C1QTNF3: variants seen among roughly 807,000 people sequenced by gnomAD.
C1QTNF3 encodes C1q and TNF related 3.
C1QTNF3 carries 26 observed loss-of-function variants against 32.6 expected under a neutral mutation model. That is an observed-to-expected ratio of 0.80 (90% CI 0.58 to 1.11). The LOEUF (loss-of-function observed/expected upper bound fraction) is 1.11. Ranked by LOEUF, C1QTNF3 falls within the 50% of genes least tolerant of loss-of-function variation. The pLI, the probability that C1QTNF3 is intolerant of heterozygous loss-of-function variation, is 0.00. For missense variants in C1QTNF3, 362 were observed against 398.2 expected, an observed-to-expected ratio of 0.91 and a Z score of 0.77; for synonymous variants, 155 against 146.0, an observed-to-expected ratio of 1.06 and a Z score of -0.44.
At chr5:34,205,717 A>G in the C1QTNF3 span, among the ~76,000 whole-genome samples, 1 of 150,472 alleles carries the variant, frequency 6.6e-6, no homozygotes, top group Non-Finnish European at 1.5e-5. Flanking sequence ...ATGGACTAAT[A>G]TAGATGTTTA....
the C1QTNF3 span, among the ~76,000 whole-genome samples, chr5:34,063,992 G>A: frequency 6.6e-6 from 1 of 152,110 alleles, no homozygotes; most frequent in Non-Finnish European, 1.5e-5. Context: ...CTAATGCCAG[G>A]AGTTCAGGAT....
the C1QTNF3 span, among the ~76,000 whole-genome samples, chr5:34,185,223 G>A: frequency 6.6e-6 from 1 of 152,308 alleles, no homozygotes. Context: ...AGCCAGGCAT[G>A]GTGGCGCATG....
chr5:34,130,858 G>A, the C1QTNF3 span, among the ~76,000 whole-genome samples: 1 of 152,196 alleles, frequency 6.6e-6, no homozygotes, highest in Non-Finnish European at 1.5e-5. Context: ...CTCATATTCT[G>A]TGCTGGATGT....
the C1QTNF3 span, among the ~76,000 whole-genome samples, chr5:34,120,648 C>A: frequency 6.6e-6 from 1 of 152,114 alleles, no homozygotes; most frequent in Non-Finnish European, 1.5e-5. Flanking sequence ...GAATAAGTCT[C>A]ATAAGATCTG....
At chr5:34,129,219 T>C in the C1QTNF3 span, among the ~76,000 whole-genome samples, 1 of 152,172 alleles carries the variant, frequency 6.6e-6, no homozygotes, top group Non-Finnish European at 1.5e-5. Flanking sequence ...TCAGGAACTG[T>C]GTGTCAATTA....
chr5:34,242,364 C>A, the C1QTNF3 span, among the ~76,000 whole-genome samples: 5 of 152,146 alleles, frequency 3.3e-5, no homozygotes, highest in African/African-American at 1.2e-4. Flanking sequence ...TGCACACTTA[C>A]CACCATCTGG....
At chr5:34,243,996 A>G in the C1QTNF3 span, among the ~76,000 whole-genome samples, 2 of 152,206 alleles carry the variant, frequency 1.3e-5, no homozygotes, top group Non-Finnish European at 2.9e-5. Flanking sequence ...GATGGACTGG[A>G]TTAGAATATA....
chr5:34,145,285 A>G, the C1QTNF3 span, among the ~76,000 whole-genome samples: 15 of 152,238 alleles, frequency 9.9e-5, no homozygotes, highest in African/African-American at 3.6e-4. Context: ...ACAGCACAAG[A>G]AGAAAATCCC....
chr5:34,037,252 C>A (rs1449725823), intron 1 of C1QTNF3, among the ~76,000 whole-genome samples: 1 of 151,758 alleles, frequency 6.6e-6, no homozygotes, highest in East Asian at 1.9e-4. Context: ...ATTCAACGGT[C>A]TTTTGAAAAC....
intron 5 of C1QTNF3, among the ~76,000 whole-genome samples, chr5:34,022,835 G>A (rs867781771): frequency 1.3e-5 from 2 of 151,940 alleles, no homozygotes; most frequent in African/African-American, 4.8e-5. Context: ...CAGTTTTTTT[G>A]TTTGTTTGTT....
chr5:34,201,358 T>C, the C1QTNF3 span, among the ~76,000 whole-genome samples: 1 of 152,326 alleles, frequency 6.6e-6, no homozygotes, highest in Admixed American at 6.5e-5. Flanking sequence ...AGGTTTGTCA[T>C]ACTTAGAAAC....
At chr5:34,124,306 A>G in the C1QTNF3 span, 1 of 564,160 alleles carries the variant, frequency 1.8e-6, no homozygotes, top group Non-Finnish European at 3.3e-6. Context: ...TGCCAGATGT[A>G]TTAGGCTGTT....
At chr5:34,104,073 A>C in the C1QTNF3 span, among the ~76,000 whole-genome samples, 8 of 119,394 alleles carry the variant, frequency 6.7e-5, no homozygotes, top group South Asian at 2.6e-3. Flanking sequence ...GGAAGACCAA[A>C]CATTTGGTAT....
chr5:34,044,738 G>A (rs1361428629), upstream of C1QTNF3, among the ~76,000 whole-genome samples: 3 of 152,148 alleles, frequency 2.0e-5, no homozygotes, highest in African/African-American at 7.2e-5. Flanking sequence ...TGGGAGTCAT[G>A]TTCAGTCCAA....
chr5:34,035,017 A>G (rs1445929094), intron 2 of C1QTNF3, among the ~76,000 whole-genome samples: 2 of 152,142 alleles, frequency 1.3e-5, no homozygotes, highest in Admixed American at 6.5e-5. Flanking sequence ...CTGAGGATGA[A>G]GACAATAAAA....
At chr5:34,209,860 C>T in the C1QTNF3 span, among the ~76,000 whole-genome samples, 14 of 152,024 alleles carry the variant, frequency 9.2e-5, no homozygotes, top group African/African-American at 3.1e-4. Context: ...CCTAAACTAA[C>T]GATTTTAAAC....
the C1QTNF3 span, among the ~76,000 whole-genome samples, chr5:34,091,436 C>G: frequency 8.1e-4 from 123 of 151,520 alleles, no homozygotes; most frequent in Non-Finnish European, 5.8e-4. Context: ...CTTCTTCTTC[C>G]TCTCCTTCTT....
chr5:34,194,730 C>T, the C1QTNF3 span, among the ~76,000 whole-genome samples: 1 of 152,420 alleles, frequency 6.6e-6, no homozygotes, highest in Admixed American at 6.5e-5. Context: ...AGTCAGCCCT[C>T]AGTATCCATG....
the C1QTNF3 span, among the ~76,000 whole-genome samples, chr5:34,182,112 T>G: frequency 3.1e-3 from 476 of 151,220 alleles, no homozygotes; most frequent in African/African-American, 0.011. Flanking sequence ...CCCTGCCTCC[T>G]GGGTTCAAGC....
Sources: allele counts gnomAD v4.1 joint callset (sites outside exome capture counted in the v4.1 genomes callset), GRCh38; gene constraint gnomAD v4.1.1; transcripts MANE v1.5; gene names NCBI Gene and HGNC (gene_info 2026-07-23, HGNC 2026-07-21).